The following TTC39C variants were observed in gnomAD, a reference collection of about 807,000 sequenced individuals.
The protein encoded by TTC39C is tetratricopeptide repeat protein 39C.
In TTC39C, 33 loss-of-function variants were observed where a neutral mutation model predicts 76.3. That is an observed-to-expected ratio of 0.43 (90% CI 0.33 to 0.58). TTC39C has a LOEUF of 0.58. Among genes scored for constraint, TTC39C ranks in the 20% least tolerant of loss-of-function variants. The pLI is 0.04. For missense variants in TTC39C, 595 were observed against 701.4 expected (o/e 0.85, Z 1.71); for synonymous variants, 254 against 260.6 (o/e 0.97, Z 0.24).
intron 1 of TTC39C, among the ~76,000 whole-genome samples, chr18:23,995,684 A>G (rs1056597380): frequency 1.3e-5 from 2 of 152,004 alleles, no homozygotes; most frequent in Non-Finnish European, 2.9e-5. Context: ...CTGGGCAACC[A>G]TAGCAAAACC....
In TTC39C at chr18:24,114,793, A is replaced by G. The variant is rs557551089; in HGVS notation, c.1078+146A>G. On this transcript the variant is annotated intron_variant, in intron 7 of 13. Coordinates refer to ENST00000317571, the MANE Select transcript of TTC39C (RefSeq NM_001135993.2). Reference sequence around the variant, plus strand: ...TTCAGTTATTCCCGTAGCACATGCAATGATACTTCTCTCTGATTCTCATTA... The same window carrying G: ...TTCAGTTATTCCCGTAGCACATGCAGTGATACTTCTCTCTGATTCTCATTA... 470 of 583,392 alleles carry G rather than the reference A, an allele frequency of 8.1e-4. 2 individuals carry two copies. The highest frequency in any genetic ancestry group is 1.3e-3 in the Non-Finnish European group (423 of 328,114). 36.1% of individuals were successfully genotyped at this position (583,392 alleles called of 1,614,324 possible). A position where few individuals can be genotyped will look rare whatever the true frequency, so the allele number is the denominator to read the frequency against.
intron 1 of TTC39C, among the ~76,000 whole-genome samples, chr18:24,024,016 A>ATTTT (rs1181326548): frequency 3.7e-4 from 2 of 5,478 alleles, no homozygotes; most frequent in African/African-American, 1.3e-3. Flanking sequence ...ATATATATAT[A>ATTTT]TTTTTTTTTT....
intron 1 of TTC39C, among the ~76,000 whole-genome samples, chr18:24,046,509 G>A (rs970997370): frequency 3.3e-5 from 5 of 151,752 alleles, no homozygotes; most frequent in African/African-American, 1.2e-4. Context: ...ACTTGGTAGC[G>A]TTTTCTAGAG....
At chr18:24,013,829 C>T (rs1269022013), upstream of TTC39C, among the ~76,000 whole-genome samples, 1 of 152,238 alleles carries the variant, frequency 6.6e-6, no homozygotes, top group Non-Finnish European at 1.5e-5. Flanking sequence ...AACAGTGAGA[C>T]TTCTGTGATA....
Position 24,134,426 on chromosome 18 carries a change from A to C in TTC39C, c.*1852A>C, listed in dbSNP as rs2085175388. The C allele has an allele frequency of 1.3e-5, 2 of 151,904 alleles. No homozygotes were observed. The highest frequency in any genetic ancestry group is 3.9e-4 in the East Asian group (2 of 5,176). 9.4% of individuals were successfully genotyped at this position (151,904 alleles called of 1,614,324 possible). A position where few individuals can be genotyped will look rare whatever the true frequency, so the allele number is the denominator to read the frequency against. On this transcript the variant is annotated 3_prime_UTR_variant, in exon 14 of 14. Coordinates refer to ENST00000317571, the MANE Select transcript of TTC39C (RefSeq NM_001135993.2). ...GTAGCTGGGACTACAGGCACCCGCA[A>C]CCACACCCGGCTAATTTTTTTTGTA...
chr18:24,048,943 T>C (rs1480519625), intron 1 of TTC39C, among the ~76,000 whole-genome samples: 1 of 152,238 alleles, frequency 6.6e-6, no homozygotes, highest in Admixed American at 6.5e-5. Flanking sequence ...AATACAGTTA[T>C]GGAATGAATA....
intron 1 of TTC39C, among the ~76,000 whole-genome samples, chr18:24,017,163 C>G (rs1171801707): frequency 1.3e-5 from 2 of 152,164 alleles, no homozygotes; most frequent in Non-Finnish European, 2.9e-5. Flanking sequence ...TGGTATCATC[C>G]TATCAGCTTT....
chr18:24,134,783 T>A lies in TTC39C; in HGVS notation c.*2209T>A, dbSNP rs2085181133. On this transcript the variant is annotated 3_prime_UTR_variant, in exon 14 of 14. Coordinates refer to ENST00000317571, the MANE Select transcript of TTC39C (RefSeq NM_001135993.2). Reference sequence around the variant, plus strand: ...TATTGTTTGAACTATTATTCCACATTCAAAGATTATATAAGGTCCTGTGCT... The same window carrying A: ...TATTGTTTGAACTATTATTCCACATACAAAGATTATATAAGGTCCTGTGCT... The A allele has an allele frequency of 6.6e-6, 1 of 152,186 alleles. No individual in the cohort carries two copies. Among genetic ancestry groups the A allele is most frequent in the Non-Finnish European group, 1.5e-5 (1 of 68,030 alleles). 9.4% of individuals were successfully genotyped at this position (152,186 alleles called of 1,614,324 possible).
At chr18:24,071,490 G>GA (rs1255142992) in intron 4 of TTC39C, among the ~76,000 whole-genome samples, 5 of 152,130 alleles carry the variant, frequency 3.3e-5, no homozygotes, top group Admixed American at 1.3e-4. Context: ...ACCACTTAGA[G>GA]AAAATCTCTT....
At chr18:24,074,934 A>G (rs1599300447) in intron 4 of TTC39C, among the ~76,000 whole-genome samples, 1 of 152,206 alleles carries the variant, frequency 6.6e-6, no homozygotes, top group Non-Finnish European at 1.5e-5. Context: ...GGATAAAGAA[A>G]ATGTGGCACA....
At chr18:24,095,541 A>G (rs908703221) in intron 6 of TTC39C, among the ~76,000 whole-genome samples, 2 of 152,150 alleles carry the variant, frequency 1.3e-5, no homozygotes, top group Non-Finnish European at 2.9e-5. Flanking sequence ...TCTACTAAAA[A>G]TACAAAAATT....
chr18:24,069,084 A>G (rs886482316), intron 3 of TTC39C, 73 bp from the exon 4 acceptor site: 1 of 1,237,424 alleles, frequency 8.1e-7, no homozygotes. Context: ...TTGTACAATA[A>G]CCTGATACTG....
intron 7 of TTC39C, 34 bp downstream of exon 7, chr18:24,114,681 A>T: frequency 6.6e-7 from 1 of 1,523,484 alleles, no homozygotes; most frequent in Non-Finnish European, 9.1e-7. Flanking sequence ...CCTCTTGTTA[A>T]GAAGTAGTAT....
chr18:24,118,339 T>C, intron 8 of TTC39C, 107 bp downstream of exon 8: 1 of 719,550 alleles, frequency 1.4e-6, no homozygotes, highest in South Asian at 1.8e-5. Context: ...GTTGTACCCC[T>C]CCACAGCCTT....
rs533586187 is a variant in TTC39C at position 24,017,492 on chromosome 18, C to T, written c.167+2454C>T. ...CAATAAACTCTAGCTAGCTTCTGTA[C>T]GTGGTGCCTTCCCCGCTAGTATTGT... is the stretch of plus-strand genomic sequence containing the variant. On this transcript the variant is annotated intron_variant, in intron 1 of 13. Transcript: ENST00000317571. 1.6e-4 allele frequency among the ~76,000 whole-genome samples: 24 copies of T among 152,348 alleles called. No homozygotes were observed. The South Asian group carries it at 4.1e-3, about 26-fold the overall frequency.
chr18:24,053,553 C>T (rs929010756), intron 1 of TTC39C, among the ~76,000 whole-genome samples: 14 of 152,188 alleles, frequency 9.2e-5, no homozygotes, highest in African/African-American at 3.1e-4. Context: ...AATAGTTTCC[C>T]GTGTCTGAAT....
chr18:24,102,306 T>C (rs1313401956), intron 6 of TTC39C, among the ~76,000 whole-genome samples: 1 of 152,230 alleles, frequency 6.6e-6, no homozygotes, highest in Non-Finnish European at 1.5e-5. Context: ...GTTGCATAAC[T>C]CACTTTTCAA....
intron 2 of TTC39C, 109 bp downstream of exon 2, chr18:24,064,297 A>T: frequency 7.8e-7 from 1 of 1,288,854 alleles, no homozygotes; most frequent in Non-Finnish European, 1.1e-6. Context: ...AGTCTTTTAG[A>T]GTTTAAAACT....
At chr18:24,126,426 T>TAAAAAAAAAAAAA (rs35976434) in intron 10 of TTC39C, among the ~76,000 whole-genome samples, 1 of 110,068 alleles carries the variant, frequency 9.1e-6, no homozygotes, top group African/African-American at 3.4e-5. Context: ...CCTATTTCTT[T>TAAAAAAAAAAAAA]AAAAAAAAAA....
Sources: gnomAD v4.1 joint callset for allele counts (sites outside exome capture counted in the v4.1 genomes callset) on GRCh38, gnomAD v4.1.1 for gene constraint, MANE v1.5 for transcripts, NCBI Gene and HGNC (gene_info 2026-07-23, HGNC 2026-07-21) for gene names.